RASAL2: variants seen among roughly 807,000 people sequenced by gnomAD.
RASAL2 encodes RAS protein activator like 2.
A neutral mutation model predicts 128.9 loss-of-function variants in RASAL2; 58 were observed. The ratio of observed to expected loss-of-function variants is 0.45; its 90% CI spans 0.36 to 0.56. The LOEUF (loss-of-function observed/expected upper bound fraction) is 0.56, where lower values mean the gene tolerates loss of function less well. Among genes scored for constraint, RASAL2 ranks in the 20% least tolerant of loss-of-function variants. The probability of loss-of-function intolerance (pLI) is 0.00; values close to 1 mark genes in which losing one functional copy is unlikely to be tolerated. For missense variants in RASAL2, 1,360 were observed against 1,601.6 expected, an observed-to-expected ratio of 0.85 and a Z score of 2.57; for synonymous variants, 561 against 580.8, an observed-to-expected ratio of 0.97 and a Z score of 0.49.
intron 4 of RASAL2, among the ~76,000 whole-genome samples, chr1:178,395,046 A>C (rs979571406): frequency 6.6e-6 from 1 of 151,946 alleles, no homozygotes; most frequent in Non-Finnish European, 1.5e-5. Flanking sequence ...TCCAAGTTAA[A>C]CAAAGAGATA....
At chr1:178,216,722 C>G (rs1663433636) in intron 1 of RASAL2, among the ~76,000 whole-genome samples, 2 of 152,172 alleles carry the variant, frequency 1.3e-5, no homozygotes, top group Non-Finnish European at 2.9e-5. Context: ...TCACTGCAGC[C>G]TCTGCCTCCT....
chr1:178,428,262 G>A (rs1218975571), intron 5 of RASAL2, among the ~76,000 whole-genome samples: 1 of 151,920 alleles, frequency 6.6e-6, no homozygotes, highest in Non-Finnish European at 1.5e-5. Context: ...ACAGGTTTTT[G>A]TGAACGTGTT....
intron 1 of RASAL2, among the ~76,000 whole-genome samples, chr1:178,180,025 G>A (rs180980099): frequency 7.2e-5 from 11 of 152,250 alleles, no homozygotes; most frequent in East Asian, 5.8e-4. Context: ...ATGAAAGATC[G>A]TTCACTGGAA....
intron 9 of RASAL2, among the ~76,000 whole-genome samples, chr1:178,449,787 T>C (rs1185528123): frequency 1.3e-5 from 2 of 152,150 alleles, no homozygotes; most frequent in East Asian, 1.9e-4. Context: ...GCTGGTACTA[T>C]AGACAATTAA....
chr1:178,351,439 C>T (rs1670493202), intron 3 of RASAL2, among the ~76,000 whole-genome samples: 2 of 152,176 alleles, frequency 1.3e-5, no homozygotes, highest in South Asian at 4.1e-4. Context: ...AAGTTAGTTA[C>T]TTCCAAGATA....
At chr1:178,426,709 A>T (rs929991986) in intron 5 of RASAL2, among the ~76,000 whole-genome samples, 16 of 152,216 alleles carry the variant, frequency 1.1e-4, no homozygotes, top group African/African-American at 3.9e-4. Flanking sequence ...AACAATGAAA[A>T]CCAGACGTTA....
chr1:178,255,892 G>A (rs1665321446), intron 1 of RASAL2, among the ~76,000 whole-genome samples: 1 of 152,088 alleles, frequency 6.6e-6, no homozygotes, highest in African/African-American at 2.4e-5. Context: ...AATCAAAAGC[G>A]CTTGTGAGAC....
chr1:178,109,273 G>T (rs1333351197), intron 1 of RASAL2, among the ~76,000 whole-genome samples: 2 of 150,700 alleles, frequency 1.3e-5, no homozygotes, highest in South Asian at 2.1e-4. Context: ...TTTTTGTTTT[G>T]TTTTTTTTTC....
At chr1:178,130,307 G>A (rs184201360) in intron 1 of RASAL2, among the ~76,000 whole-genome samples, 1 of 152,244 alleles carries the variant, frequency 6.6e-6, no homozygotes, top group African/African-American at 2.4e-5. Context: ...GGACTTTGGA[G>A]GTTGAAGGTT....
At chr1:178,338,772 G>A (rs1459724087) in intron 3 of RASAL2, among the ~76,000 whole-genome samples, 3 of 152,102 alleles carry the variant, frequency 2.0e-5, no homozygotes, top group South Asian at 2.1e-4. Flanking sequence ...ATATAGCAGC[G>A]AACAAGGCAG....
intron 3 of RASAL2, among the ~76,000 whole-genome samples, chr1:178,354,507 G>A (rs1188084607): frequency 6.6e-6 from 1 of 152,176 alleles, no homozygotes; most frequent in Non-Finnish European, 1.5e-5. Context: ...AATCAATACA[G>A]TAAGGTCTCA....
intron 2 of RASAL2, among the ~76,000 whole-genome samples, chr1:178,294,101 G>A (rs115471898): frequency 6.6e-6 from 1 of 152,244 alleles, no homozygotes; most frequent in East Asian, 1.9e-4. Flanking sequence ...CACACAGACA[G>A]AGACAGTGGC....
At chr1:178,248,587 C>G (rs754334458) in intron 1 of RASAL2, among the ~76,000 whole-genome samples, 66 of 152,124 alleles carry the variant, frequency 4.3e-4, no homozygotes, top group Middle Eastern at 3.2e-3. Flanking sequence ...ATCCTGTCAT[C>G]ATGATGCTAG....
At chr1:178,164,434 A>G (rs1411587430) in intron 1 of RASAL2, among the ~76,000 whole-genome samples, 1 of 152,004 alleles carries the variant, frequency 6.6e-6, no homozygotes. Flanking sequence ...GGGGAAATGT[A>G]TTTAATTTTT....
At chr1:178,444,087 C>T (rs1354229459) in intron 8 of RASAL2, among the ~76,000 whole-genome samples, 4 of 152,072 alleles carry the variant, frequency 2.6e-5, no homozygotes, top group Admixed American at 6.6e-5. Flanking sequence ...TTATGATAAT[C>T]TTGGGCATTC....
intron 1 of RASAL2, among the ~76,000 whole-genome samples, chr1:178,280,633 C>G (rs16828619): frequency 0.046 from 6,996 of 152,004 alleles, 535 homozygotes; most frequent in African/African-American, 0.16. Flanking sequence ...ACAAAGAGAT[C>G]CATTGACTTA....
chr1:178,363,228 A>T (rs189588265), intron 3 of RASAL2, among the ~76,000 whole-genome samples: 2 of 151,884 alleles, frequency 1.3e-5, no homozygotes, highest in Admixed American at 6.6e-5. Flanking sequence ...GTGATATCTT[A>T]TTGTGGTTTT....
chr1:178,452,148 G>A (rs1381538337), intron 10 of RASAL2, among the ~76,000 whole-genome samples: 1 of 151,796 alleles, frequency 6.6e-6, no homozygotes, highest in Non-Finnish European at 1.5e-5. Flanking sequence ...GTTTAGTCAG[G>A]AGCCTCATGC....
At chr1:178,137,386 T>G (rs1021938563) in intron 1 of RASAL2, among the ~76,000 whole-genome samples, 3 of 152,204 alleles carry the variant, frequency 2.0e-5, no homozygotes, top group African/African-American at 7.2e-5. Flanking sequence ...TTCTCCCAAT[T>G]ACTGCATTTT....
Sources: allele counts gnomAD v4.1 joint callset (sites outside exome capture counted in the v4.1 genomes callset), GRCh38; gene constraint gnomAD v4.1.1; transcripts MANE v1.5; gene names NCBI Gene and HGNC (gene_info 2026-07-23, HGNC 2026-07-21).